The following SDHAF4 variants were observed in gnomAD, a reference collection of about 807,000 sequenced individuals.
SDHAF4 encodes the protein succinate dehydrogenase complex assembly factor 4, also known as succinate dehydrogenase assembly factor 4, mitochondrial.
SDHAF4 carries 14 observed loss-of-function variants against 14.3 expected under a neutral mutation model. The ratio of observed to expected loss-of-function variants is 0.98; its 90% CI spans 0.65 to 1.53. The LOEUF (loss-of-function observed/expected upper bound fraction) is 1.53. SDHAF4 is among the 40% of genes most tolerant of loss of function. SDHAF4 has a pLI of 0.00. For synonymous variants in SDHAF4, 63 were observed against 47.3 expected (o/e 1.33, Z -1.36); for missense variants, 141 against 129.3 (o/e 1.09, Z -0.44).
At chr6:70,569,523 C>G (rs1461953630) in intron 1 of SDHAF4, among the ~76,000 whole-genome samples, 1 of 152,210 alleles carries the variant, frequency 6.6e-6, no homozygotes, top group Non-Finnish European at 1.5e-5. Context: ...GGATTACAGG[C>G]GTGAGCTGCC....
At chr6:70,580,603 C>T (rs1392959680) in intron 2 of SDHAF4, among the ~76,000 whole-genome samples, 1 of 152,096 alleles carries the variant, frequency 6.6e-6, no homozygotes, top group Non-Finnish European at 1.5e-5. Context: ...AATCATTAAA[C>T]AAAATGTGGC....
chr6:70,577,282 GT>G (rs1802268404), intron 1 of SDHAF4, among the ~76,000 whole-genome samples: 1 of 152,132 alleles, frequency 6.6e-6, no homozygotes, highest in African/African-American at 2.4e-5. Context: ...CAGATTCTGG[GT>G]ATTGGATTCT....
chr6:70,571,239 G>A (rs763794468), intron 1 of SDHAF4, among the ~76,000 whole-genome samples: 5 of 151,984 alleles, frequency 3.3e-5, no homozygotes, highest in South Asian at 4.1e-4. Context: ...CTGTTGAGGT[G>A]GTAAATTACA....
chr6:70,567,761 C>T (rs1366811919), intron 1 of SDHAF4: 1 of 152,256 alleles, frequency 6.6e-6, no homozygotes, highest in Non-Finnish European at 1.5e-5. Context: ...TCTCGGCTCA[C>T]TGCAAGCTCT....
At chr6:70,575,175 C>T (rs764693978) in intron 1 of SDHAF4, among the ~76,000 whole-genome samples, 6 of 152,106 alleles carry the variant, frequency 3.9e-5, no homozygotes, top group South Asian at 2.1e-4. Context: ...GTCAGGAGTT[C>T]GATACAAGCC....
chr6:70,585,845 A>T (rs1247412518), intron 2 of SDHAF4, among the ~76,000 whole-genome samples: 3 of 152,112 alleles, frequency 2.0e-5, no homozygotes, highest in African/African-American at 7.2e-5. Flanking sequence ...GGGCTTTATG[A>T]TTTTGGTGAA....
At chr6:70,592,916 C>T (rs1316238491), downstream of SDHAF4, among the ~76,000 whole-genome samples, 1 of 152,198 alleles carries the variant, frequency 6.6e-6, no homozygotes, top group Non-Finnish European at 1.5e-5. Flanking sequence ...GGAGAAAGAT[C>T]CCAAAGGCAT....
At position 70,579,556 on chromosome 6, in the gene SDHAF4, A is replaced by G; in HGVS notation, c.207A>G (p.Glu69=). ...CAGAGGATTCCCATTTAGAGAAAGAACCACTGGAAAGTAAGTATAATAAAG... is the reference window on the plus strand; with the variant it reads ...CAGAGGATTCCCATTTAGAGAAAGAGCCACTGGAAAGTAAGTATAATAAAG... ...DAPEDSHLEK[E]PLEKFPDDVN... is the part of the protein sequence containing the mutation. Residue 69 remains glutamate, a synonymous_variant, in exon 2 of 3, where the codon GAA becomes GAG. Transcript: ENST00000370474. 2 of 1,600,382 alleles carry G rather than the reference A, an allele frequency of 1.2e-6. No individual in the cohort carries two copies. Among genetic ancestry groups the G allele is most frequent in the South Asian group, 2.3e-5 (2 of 88,732 alleles).
intron 1 of SDHAF4, among the ~76,000 whole-genome samples, chr6:70,577,926 A>G (rs1405198439): frequency 6.6e-6 from 1 of 152,200 alleles, no homozygotes; most frequent in Non-Finnish European, 1.5e-5. Context: ...GTTGCATAGT[A>G]TTCCATGGTA....
At chr6:70,575,040 T>C (rs1457049128) in intron 1 of SDHAF4, among the ~76,000 whole-genome samples, 2 of 152,298 alleles carry the variant, frequency 1.3e-5, no homozygotes, top group East Asian at 3.9e-4. Flanking sequence ...GACTGTCATC[T>C]CCCTGCTGTC....
At position 70,572,962 on chromosome 6, in the gene SDHAF4, T is replaced by C. The variant is rs76374000; in HGVS notation, c.64+5958T>C. On this transcript the variant is annotated intron_variant, in intron 1 of 2. Coordinates refer to ENST00000370474, the MANE Select transcript of SDHAF4 (RefSeq NM_145267.3). ...TTCTCTGTATTCTTATCTCCCACTTTACTTCTGGGAACACTTTTTTCTTTT... is the reference window on the plus strand; with the variant it reads ...TTCTCTGTATTCTTATCTCCCACTTCACTTCTGGGAACACTTTTTTCTTTT... 7.3e-4 allele frequency among the ~76,000 whole-genome samples: 111 copies of C among 152,284 alleles called. 2 individuals are homozygous for C. In the East Asian group the frequency reaches 0.021, roughly 28 times the overall value.
intron 1 of SDHAF4, among the ~76,000 whole-genome samples, chr6:70,572,816 GT>G (rs1446173235): frequency 2.6e-5 from 4 of 152,072 alleles, no homozygotes; most frequent in Non-Finnish European, 5.9e-5. Flanking sequence ...GTCTGTGTGT[GT>G]GTGCACATGC....
chr6:70,587,573 G>A (rs7756652), intron 2 of SDHAF4, among the ~76,000 whole-genome samples: 62,058 of 151,664 alleles, frequency 0.41, 13,338 homozygotes, highest in African/African-American at 0.53. Flanking sequence ...ACAGAGCAGT[G>A]CAGTGTATGG....
chr6:70,573,645 T>C (rs951567673), intron 1 of SDHAF4, among the ~76,000 whole-genome samples: 1 of 151,654 alleles, frequency 6.6e-6, no homozygotes, highest in Non-Finnish European at 1.5e-5. Context: ...GGCCTAATTT[T>C]TCTTTTTCTT....
intron 1 of SDHAF4, among the ~76,000 whole-genome samples, chr6:70,569,916 T>G (rs1228988206): frequency 6.6e-6 from 1 of 152,190 alleles, no homozygotes; most frequent in African/African-American, 2.4e-5. Flanking sequence ...AATTGATGGT[T>G]TGTATATGGT....
intron 2 of SDHAF4, among the ~76,000 whole-genome samples, chr6:70,586,021 TG>T (rs1171452466): frequency 6.6e-6 from 1 of 152,192 alleles, no homozygotes; most frequent in African/African-American, 2.4e-5. Flanking sequence ...TGTTTTTCCT[TG>T]GCCCCTACAC....
the SDHAF4 span, chr6:70,597,045 C>T: frequency 6.6e-6 from 1 of 152,186 alleles, no homozygotes; most frequent in Non-Finnish European, 1.5e-5. Flanking sequence ...CTAATGAGTT[C>T]ATTCATTCAC....
downstream of SDHAF4, among the ~76,000 whole-genome samples, chr6:70,592,500 T>C (rs915829223): frequency 6.6e-6 from 1 of 152,226 alleles, no homozygotes; most frequent in African/African-American, 2.4e-5. Flanking sequence ...GTAAAAGCCT[T>C]TCTTAGAAAG....
chr6:70,597,080 G>T, the SDHAF4 span: 1 of 152,118 alleles, frequency 6.6e-6, no homozygotes, highest in African/African-American at 2.4e-5. Context: ...TATTTAATCA[G>T]TGGTGATTGC....
Sources: gnomAD v4.1 joint callset for allele counts (sites outside exome capture counted in the v4.1 genomes callset) on GRCh38, gnomAD v4.1.1 for gene constraint, MANE v1.5 for transcripts, NCBI Gene and HGNC (gene_info 2026-07-23, HGNC 2026-07-21) for gene names.